Variants in INKA2 observed in about 807,000 individuals in gnomAD.
INKA2 encodes PAK4-inhibitor INKA2.
Under a neutral mutation model 9.8 loss-of-function variants are expected in INKA2, and 3 were observed. The ratio of observed to expected loss-of-function variants is 0.31; its 90% CI spans 0.14 to 0.79. The LOEUF (loss-of-function observed/expected upper bound fraction) is 0.79, where lower values mean the gene tolerates loss of function less well. Among genes scored for constraint, INKA2 ranks in the 30% least tolerant of loss-of-function variants. The pLI is 0.62. For missense variants in INKA2, 392 were observed against 384.4 expected (o/e 1.02, Z -0.17); for synonymous variants, 147 against 143.3 (o/e 1.03, Z -0.18).
intron 1 of INKA2, among the ~76,000 whole-genome samples, chr1:111,749,957 A>G (rs1302683252): frequency 6.6e-6 from 1 of 152,194 alleles, no homozygotes; most frequent in Non-Finnish European, 1.5e-5. Context: ...CTCCCTAATA[A>G]ATCATAGGCC....
chr1:111,726,710 T>TAC lies in INKA2; in HGVS notation c.*257_*258insGT. The TAC allele has an allele frequency of 2.1e-6, 1 of 482,168 alleles. No homozygotes were observed. 29.9% of individuals were successfully genotyped at this position (482,168 alleles called of 1,614,324 possible). ...CATGCATGCCAGACAGACACACACA[T>TAC]GCACACACACACACACACACGCACA... On this transcript the variant is annotated 3_prime_UTR_variant, in exon 2 of 2. Transcript: ENST00000357260.
chr1:111,740,848 T>G (rs747651417), upstream of INKA2, among the ~76,000 whole-genome samples: 9 of 151,632 alleles, frequency 5.9e-5, no homozygotes, highest in Non-Finnish European at 1.3e-4. Flanking sequence ...GGCCTATGCC[T>G]GTAATCCCAG....
In INKA2 at chr1:111,751,459, T is replaced by G. The variant is rs78942732; in HGVS notation, n.124+4242A>C. ...ATTTCCCCAGCTGGGCTGTCAACTCTTTTAGGACAGAGGATAGAAAGAGCC... is the reference window on the plus strand; with the variant it reads ...ATTTCCCCAGCTGGGCTGTCAACTCGTTTAGGACAGAGGATAGAAAGAGCC... On this transcript the variant is annotated intron_variant and non_coding_transcript_variant, in intron 1 of 1. Transcript: ENST00000444059. Among the ~76,000 whole-genome samples, 888 of 152,330 alleles carry G rather than the reference T, an allele frequency of 5.8e-3. 4 individuals carry two copies. Among genetic ancestry groups the G allele is most frequent in the African/African-American group, 0.02 (825 of 41,572 alleles).
upstream of INKA2, among the ~76,000 whole-genome samples, chr1:111,742,826 A>G (rs1465480187): frequency 2.0e-5 from 3 of 152,254 alleles, no homozygotes; most frequent in African/African-American, 7.2e-5. Flanking sequence ...ACTTTGGAGG[A>G]CAATTACTGT....
In INKA2 at chr1:111,727,446, TC is replaced by T. The variant is rs748742560; in HGVS notation, c.415del (p.Asp139MetfsTer7). ...GGACATCAACGTGGAGGTCCAGTCA[TC>T]CGGTTCCACTCGCTCTGGCCCCTGC... Reference protein sequence around the residue: ...AQQGPERVEPDDWTSTLMSRG... With the variant: ...AQQGPERVEPXDWTSTLMSRG... On this transcript the variant is annotated frameshift_variant, in exon 2 of 2. Coordinates refer to ENST00000357260, the MANE Select transcript of INKA2 (RefSeq NM_019099.5). LOFTEE classifies it high-confidence loss of function. The T allele has an allele frequency of 1.9e-6, 3 of 1,614,076 alleles. No individual in the cohort carries two copies. Among genetic ancestry groups the T allele is most frequent in the Non-Finnish European group, 2.5e-6 (3 of 1,180,040 alleles).
chr1:111,751,763 C>T (rs551116494), intron 1 of INKA2, among the ~76,000 whole-genome samples: 3 of 152,264 alleles, frequency 2.0e-5, no homozygotes, highest in Non-Finnish European at 2.9e-5. Flanking sequence ...TCCTCTGTCA[C>T]AAGGCCAACT....
chr1:111,728,903 C>CTT (rs34918562), intron 1 of INKA2, among the ~76,000 whole-genome samples: 1,593 of 115,536 alleles, frequency 0.014, 105 homozygotes, highest in African/African-American at 0.052. Context: ...TGGAGCTAGG[C>CTT]TTTTTTTTTT....
intron 1 of INKA2, 80 bp from the exon 2 acceptor site, chr1:111,727,884 C>T (rs1385614056): frequency 1.4e-6 from 2 of 1,383,984 alleles, no homozygotes; most frequent in African/African-American, 1.4e-5. Flanking sequence ...CTTAGGTCCC[C>T]CACCCAAACA....
rs34918562 is a variant in INKA2, at chr1:111,728,903, C to CTTTTTTTT, written c.58-1107_58-1100dup. Among the ~76,000 whole-genome samples, 1,075 of 115,434 alleles carry CTTTTTTTT rather than the reference C, an allele frequency of 9.3e-3. 92 individuals are homozygous for CTTTTTTTT. The highest frequency in any genetic ancestry group is 0.033 in the African/African-American group (977 of 29,232). 75.7% of individuals were successfully genotyped at this position (115,434 alleles called of 152,430 possible). A position where few individuals can be genotyped will look rare whatever the true frequency, so the allele number is the denominator to read the frequency against. On this transcript the variant is annotated intron_variant, in intron 1 of 1. Transcript: ENST00000357260. The stretch of plus-strand genomic sequence containing the variant: ...CTGGGCAGTGGGCAGTGGAGCTAGG[C>CTTTTTTTT]TTTTTTTTTTTTTTTTCAAACAGGG...
intron 1 of INKA2, among the ~76,000 whole-genome samples, chr1:111,732,903 G>A (rs977815348): frequency 2.0e-5 from 3 of 152,138 alleles, no homozygotes; most frequent in Non-Finnish European, 2.9e-5. Flanking sequence ...TGACTTACTC[G>A]GCCACATGAC....
upstream of INKA2, among the ~76,000 whole-genome samples, chr1:111,742,395 G>C (rs7540191): frequency 8.6e-3 from 1,316 of 152,204 alleles, 12 homozygotes; most frequent in African/African-American, 0.03. Context: ...GACCAGCCTG[G>C]CTAATATGGT....
chr1:111,746,034 C>G (rs1663267718), intron 1 of INKA2: 1 of 152,248 alleles, frequency 6.6e-6, no homozygotes, highest in African/African-American at 2.4e-5. Context: ...CAGACTGGCT[C>G]TTAAGTCTCT....
intron 1 of INKA2, among the ~76,000 whole-genome samples, chr1:111,728,864 G>A (rs1009803165): frequency 4.7e-5 from 7 of 149,268 alleles, no homozygotes; most frequent in South Asian, 4.2e-4. Flanking sequence ...GTACTACCTC[G>A]AGACTCGAGA....
intron 1 of INKA2, among the ~76,000 whole-genome samples, chr1:111,749,472 A>G (rs1663352186): frequency 6.6e-6 from 1 of 151,916 alleles, no homozygotes; most frequent in South Asian, 2.1e-4. Flanking sequence ...TAGGGAGCCA[A>G]GGCAGGGGAG....
rs1032496718 is a variant in INKA2, at chr1:111,728,064, C to T, written c.58-260G>A. Among the ~76,000 whole-genome samples, 5 of 151,760 alleles carry T rather than the reference C, an allele frequency of 3.3e-5. No homozygotes were observed. The South Asian group carries it at 8.3e-4, about 25-fold the overall frequency. ...ACACACACACACACACACACACACA[C>T]ACACACACAGACATTTCATCTCCCC... On this transcript the variant is annotated intron_variant, in intron 1 of 1. Transcript: ENST00000357260.
At chr1:111,745,265 TTATATATA>T (rs71078098) in intron 1 of INKA2, 19 of 45,106 alleles carry the variant, frequency 4.2e-4, no homozygotes, top group African/African-American at 1.5e-3. Flanking sequence ...CACAGAGATA[TTATATATA>T]TATATATATA....
intron 1 of INKA2, among the ~76,000 whole-genome samples, chr1:111,728,034 C>T (rs888159885): frequency 6.8e-6 from 1 of 147,388 alleles, no homozygotes; most frequent in Non-Finnish European, 1.5e-5. Context: ...GCTCCCCCAC[C>T]CCATACACAC....
At position 111,722,305 on chromosome 1, in the gene INKA2, A is replaced by G. The variant is rs1290464154; in HGVS notation, c.*4663T>C. ...GAATGGATTTTAGGAGGACAGCCAC[A>G]GCACCTTTAGGCCATTAGTTTCCAG... On this transcript the variant is annotated 3_prime_UTR_variant, in exon 2 of 2. Transcript: ENST00000357260. 6.6e-6 allele frequency: 1 copy of G among 152,498 alleles called. No homozygotes were observed. Among genetic ancestry groups the G allele is most frequent in the East Asian group, 1.9e-4 (1 of 5,190 alleles). The allele number at this position is 152,498 out of a possible 1,614,324, so 9.4% of individuals were successfully genotyped here.
At chr1:111,755,600 G>A in intron 1 of INKA2, 2 of 1,394,792 alleles carry the variant, frequency 1.4e-6, no homozygotes, top group Non-Finnish European at 1.9e-6. Context: ...TGGCGCCGGG[G>A]GCACGGCTGG....
Sources: allele counts gnomAD v4.1 joint callset (sites outside exome capture counted in the v4.1 genomes callset), GRCh38; gene constraint gnomAD v4.1.1; transcripts MANE v1.5; gene names NCBI Gene and HGNC (gene_info 2026-07-23, HGNC 2026-07-21).